The following TNFSF4 variants were observed in gnomAD, a reference collection of about 807,000 sequenced individuals.
TNFSF4 encodes tumor necrosis factor ligand superfamily member 4.
A neutral mutation model predicts 7.3 loss-of-function variants in TNFSF4; 4 were observed. That is an observed-to-expected ratio of 0.55 (90% CI 0.27 to 1.25). The LOEUF (loss-of-function observed/expected upper bound fraction) is 1.25. TNFSF4 is among the 50% of genes most tolerant of loss of function. The probability of loss-of-function intolerance (pLI) is 0.12; values close to 1 mark genes in which losing one functional copy is unlikely to be tolerated. For synonymous variants in TNFSF4, 76 were observed against 83.7 expected (o/e 0.91, Z 0.50); for missense variants, 181 against 208.8 (o/e 0.87, Z 0.82).
chr1:173,233,325 T>A, the TNFSF4 span, among the ~76,000 whole-genome samples: 1 of 152,186 alleles, frequency 6.6e-6, no homozygotes, highest in Admixed American at 6.5e-5. Flanking sequence ...AATATGGGAC[T>A]ATGTGAAAAG....
chr1:173,326,521 A>T, the TNFSF4 span, among the ~76,000 whole-genome samples: 4 of 152,104 alleles, frequency 2.6e-5, no homozygotes, highest in Non-Finnish European at 5.9e-5. Flanking sequence ...GGCCAGGGCA[A>T]TCAGGCAGGA....
At chr1:173,364,309 C>A in the TNFSF4 span, among the ~76,000 whole-genome samples, 1 of 146,778 alleles carries the variant, frequency 6.8e-6, no homozygotes, top group Non-Finnish European at 1.5e-5. Flanking sequence ...GTAAGTATTT[C>A]ATCATCTTGT....
downstream of TNFSF4, among the ~76,000 whole-genome samples, chr1:173,179,628 A>T (rs571356576): frequency 3.9e-5 from 6 of 152,290 alleles, no homozygotes; most frequent in Middle Eastern, 3.4e-3. Flanking sequence ...TGCAAATAAG[A>T]TACAAGTTTT....
intron 2 of TNFSF4, 186 bp downstream of exon 2, chr1:173,188,335 T>C: frequency 1.7e-6 from 1 of 584,740 alleles, no homozygotes; most frequent in African/African-American, 1.9e-5. Flanking sequence ...ATTAATCCCC[T>C]TTTCTCTTTA....
At chr1:173,219,620 G>A in the TNFSF4 span, among the ~76,000 whole-genome samples, 1 of 151,532 alleles carries the variant, frequency 6.6e-6, no homozygotes, top group Non-Finnish European at 1.5e-5. Flanking sequence ...CAAAAATATG[G>A]AACCAGCTCA....
At chr1:173,231,292 T>C in the TNFSF4 span, among the ~76,000 whole-genome samples, 2 of 152,170 alleles carry the variant, frequency 1.3e-5, no homozygotes, top group Non-Finnish European at 1.5e-5. Context: ...TGGTTCAACA[T>C]ACACAAATCA....
chr1:173,214,779 C>G, the TNFSF4 span, among the ~76,000 whole-genome samples: 2 of 152,158 alleles, frequency 1.3e-5, no homozygotes, highest in African/African-American at 4.8e-5. Flanking sequence ...TTCTCTGTGT[C>G]AGGCACAAAA....
chr1:173,252,188 A>G, the TNFSF4 span, among the ~76,000 whole-genome samples: 1 of 152,160 alleles, frequency 6.6e-6, no homozygotes, highest in East Asian at 1.9e-4. Context: ...ACTTTTTATA[A>G]TAGTTCCAGT....
the TNFSF4 span, among the ~76,000 whole-genome samples, chr1:173,437,806 C>T: frequency 6.6e-6 from 1 of 152,046 alleles, no homozygotes; most frequent in Non-Finnish European, 1.5e-5. Context: ...TATTAATATC[C>T]CATTGCAAAC....
At chr1:173,319,301 C>A in the TNFSF4 span, among the ~76,000 whole-genome samples, 1 of 152,164 alleles carries the variant, frequency 6.6e-6, no homozygotes, top group Non-Finnish European at 1.5e-5. Flanking sequence ...TTCTTCCTCA[C>A]TGGGCAGGGC....
chr1:173,363,592 G>A, the TNFSF4 span: 3 of 492,952 alleles, frequency 6.1e-6, no homozygotes, highest in South Asian at 4.9e-5. Flanking sequence ...CTTATTTGGG[G>A]AGTGTCGTAG....
intron 1 of TNFSF4, among the ~76,000 whole-genome samples, chr1:173,190,321 G>A (rs1474752940): frequency 2.6e-5 from 4 of 152,204 alleles, no homozygotes; most frequent in Non-Finnish European, 4.4e-5. Context: ...CTGGGTAGGG[G>A]AATTCCTGTT....
chr1:173,398,064 T>G, the TNFSF4 span, among the ~76,000 whole-genome samples: 3 of 152,228 alleles, frequency 2.0e-5, no homozygotes, highest in African/African-American at 7.2e-5. Flanking sequence ...TTATTCTCCA[T>G]ATCTGTCCAT....
the TNFSF4 span, among the ~76,000 whole-genome samples, chr1:173,392,161 G>A: frequency 6.6e-6 from 1 of 152,168 alleles, no homozygotes; most frequent in Admixed American, 6.5e-5. Context: ...CACTCTACTA[G>A]TAGCTCTGTG....
the TNFSF4 span, among the ~76,000 whole-genome samples, chr1:173,393,747 C>T: frequency 6.6e-6 from 1 of 152,222 alleles, no homozygotes; most frequent in Non-Finnish European, 1.5e-5. Flanking sequence ...GTATATCCTT[C>T]CTGTAGTGGT....
At chr1:173,181,504 A>C (rs1199139406), downstream of TNFSF4, among the ~76,000 whole-genome samples, 1 of 152,296 alleles carries the variant, frequency 6.6e-6, no homozygotes, top group Non-Finnish European at 1.5e-5. Flanking sequence ...ATCAAAGTCA[A>C]TCAGTTCCAT....
the TNFSF4 span, among the ~76,000 whole-genome samples, chr1:173,338,314 A>G: frequency 2.0e-5 from 3 of 152,194 alleles, no homozygotes; most frequent in African/African-American, 7.2e-5. Context: ...TGCCAAAACT[A>G]TCATCTGTGG....
At chr1:173,383,516 A>C in the TNFSF4 span, among the ~76,000 whole-genome samples, 9 of 152,348 alleles carry the variant, frequency 5.9e-5, no homozygotes, top group East Asian at 1.3e-3. Flanking sequence ...ATTCATTCAC[A>C]TATTGAAGAT....
the TNFSF4 span, among the ~76,000 whole-genome samples, chr1:173,339,359 G>A: frequency 6.6e-6 from 1 of 152,058 alleles, no homozygotes; most frequent in Non-Finnish European, 1.5e-5. Context: ...TCCAGCCTGG[G>A]TAACAGAAGG....
Sources: allele counts gnomAD v4.1 joint callset (sites outside exome capture counted in the v4.1 genomes callset), GRCh38; gene constraint gnomAD v4.1.1; transcripts MANE v1.5; gene names NCBI Gene and HGNC (gene_info 2026-07-23, HGNC 2026-07-21).